The following GPN1 variants were observed in gnomAD, a reference collection of about 807,000 sequenced individuals.
GPN1 encodes ATP(GTP)-binding protein.
Under a neutral mutation model 55.9 loss-of-function variants are expected in GPN1, and 44 were observed. That is an observed-to-expected ratio of 0.79 (90% CI 0.62 to 1.01). The LOEUF (loss-of-function observed/expected upper bound fraction) is 1.01, where lower values mean the gene tolerates loss of function less well. Ranked by LOEUF, GPN1 falls within the 50% of genes least tolerant of loss-of-function variation. The pLI is 0.00. For missense variants in GPN1, 466 were observed against 462.8 expected (o/e 1.01, Z -0.06); for synonymous variants, 179 against 162.5 (o/e 1.10, Z -0.77).
At chr2:27,628,979 C>T (rs760200294), upstream of GPN1, 6 of 1,585,846 alleles carry the variant, frequency 3.8e-6, no homozygotes, top group South Asian at 4.6e-5. Flanking sequence ...TGGTGGTTTT[C>T]GTTCGCAGCC....
At chr2:27,632,693 A>G (rs997990198) in intron 5 of GPN1, 23 bp downstream of exon 5, 1 of 1,475,122 alleles carries the variant, frequency 6.8e-7, no homozygotes, top group South Asian at 1.1e-5. Context: ...AGTAACACCC[A>G]TTTATTACTC....
rs1419636770 is a variant in GPN1 at position 27,642,952 on chromosome 2, T to TACACACACACACACACAC, written c.931+434_931+435insCACACACACACACACACA. On this transcript the variant is annotated intron_variant, in intron 12 of 13. Coordinates refer to ENST00000610189, the MANE Select transcript of GPN1 (RefSeq NM_007266.4). ...TAAAGGAAATGTGGTTTTATATATA[T>TACACACACACACACACAC]ATATATACACACACACACACACACA... Among the ~76,000 whole-genome samples the TACACACACACACACACAC allele has an allele frequency of 4.5e-4, 17 of 38,056 alleles. No homozygotes were observed. In the Admixed American group the frequency reaches 4.9e-3, roughly 11 times the overall value. 25.0% of individuals were successfully genotyped at this position (38,056 alleles called of 152,430 possible).
intron 7 of GPN1, among the ~76,000 whole-genome samples, chr2:27,637,047 C>A (rs1301728919): frequency 6.6e-6 from 1 of 151,842 alleles, no homozygotes; most frequent in African/African-American, 2.4e-5. Flanking sequence ...AGGCGCCAAC[C>A]CCTGCAGAGA....
intron 12 of GPN1, among the ~76,000 whole-genome samples, chr2:27,642,954 TATATAC>T (rs1158661018): frequency 1.7e-4 from 8 of 46,848 alleles, no homozygotes; most frequent in African/African-American, 3.3e-4. Context: ...TATATATATA[TATATAC>T]ACACACACAC....
upstream of GPN1, chr2:27,628,352 A>T: frequency 6.6e-7 from 1 of 1,505,260 alleles, no homozygotes; most frequent in Non-Finnish European, 8.9e-7. Context: ...AGGGACCTTC[A>T]GTGACTGGAG....
At chr2:27,639,129 C>T (rs1673847672) in intron 9 of GPN1, 98 bp downstream of exon 9, 2 of 969,024 alleles carry the variant, frequency 2.1e-6, no homozygotes, top group Non-Finnish European at 3.1e-6. Flanking sequence ...AGCTTATTAC[C>T]TACTGAAAAG....
Position 27,629,353 on chromosome 2 carries a change from G to T in GPN1, c.111+184G>T, listed in dbSNP as rs545041359. On this transcript the variant is annotated intron_variant, in intron 1 of 13. Coordinates refer to ENST00000610189, the MANE Select transcript of GPN1 (RefSeq NM_007266.4). ...TCGGGCCCTAGCCAGGTTAATTAAG[G>T]CTCTCTTCTGCGCACCTTCAGGGCA... 1.4e-5 allele frequency: 21 copies of T among 1,543,004 alleles called. No homozygotes were observed. The East Asian group carries it at 4.6e-4, about 34-fold the overall frequency.
At chr2:27,634,188 A>T (rs1302596183) in intron 5 of GPN1, among the ~76,000 whole-genome samples, 1 of 152,142 alleles carries the variant, frequency 6.6e-6, no homozygotes, top group Non-Finnish European at 1.5e-5. Flanking sequence ...CTTATTGGCC[A>T]TTGGTATGTA....
upstream of GPN1, chr2:27,628,949 C>CAG (rs1371769027): frequency 6.4e-7 from 1 of 1,552,600 alleles, no homozygotes; most frequent in African/African-American, 1.4e-5. Flanking sequence ...GCGCCCCTCA[C>CAG]CCGCTCCTTT....
chr2:27,634,833 T>A lies in GPN1; in HGVS notation c.351-13T>A. ...CAAATGTAACACTTCTTTAATGATCTTTCTTGACATAGATATGTGTTGATT... is the reference window on the plus strand; with the variant it reads ...CAAATGTAACACTTCTTTAATGATCATTCTTGACATAGATATGTGTTGATT... On this transcript the variant is annotated splice_polypyrimidine_tract_variant and intron_variant, in intron 5 of 13. Transcript: ENST00000610189. 1 of 1,435,770 alleles carries A rather than the reference T, an allele frequency of 7.0e-7. No individual in the cohort carries two copies. The highest frequency in any genetic ancestry group is 9.8e-7 in the Non-Finnish European group (1 of 1,017,140). 88.9% of individuals were successfully genotyped at this position (1,435,770 alleles called of 1,614,324 possible).
upstream of GPN1, chr2:27,629,009 C>T (rs764870962): frequency 6.2e-7 from 1 of 1,611,372 alleles, no homozygotes; most frequent in Admixed American, 1.7e-5. Context: ...GCGGAAGTTT[C>T]TCTACCCATG....
At chr2:27,628,945 CT>C, upstream of GPN1, 1 of 1,542,580 alleles carries the variant, frequency 6.5e-7, no homozygotes, top group Non-Finnish European at 8.7e-7. Flanking sequence ...CGCCGCGCCC[CT>C]CACCCGCTCC....
intron 12 of GPN1, among the ~76,000 whole-genome samples, chr2:27,646,070 C>G (rs1247376748): frequency 6.6e-6 from 1 of 152,070 alleles, no homozygotes; most frequent in East Asian, 1.9e-4. Context: ...GAGGCAGAGT[C>G]TTGCTCTGTC....
chr2:27,628,987 G>A, upstream of GPN1: 2 of 1,604,372 alleles, frequency 1.2e-6, no homozygotes, highest in South Asian at 1.1e-5. Context: ...TTCGTTCGCA[G>A]CCCAGAACAT....
rs770231722 is a variant in GPN1, at chr2:27,629,895, C to A, written c.148C>A (p.Pro50Thr). The stretch of plus-strand genomic sequence containing the variant: ...ACACCTGCATGCCCAAGGCACTCCA[C>A]CGTATGTGATCAACCTGGATCCAGC... ...TGHLHAQGTP[P>T]YVINLDPAVH... Residue 50 changes from proline to threonine, a missense_variant, in exon 2 of 14, where the codon CCG (proline) becomes ACG (threonine). Coordinates refer to ENST00000610189, the MANE Select transcript of GPN1 (RefSeq NM_007266.4). The A allele has an allele frequency of 6.2e-7, 1 of 1,610,594 alleles. No individual in the cohort carries two copies. Among genetic ancestry groups the A allele is most frequent in the South Asian group, 1.1e-5 (1 of 91,022 alleles).
intron 5 of GPN1, among the ~76,000 whole-genome samples, chr2:27,633,028 G>A (rs1673608198): frequency 6.6e-6 from 1 of 152,164 alleles, no homozygotes; most frequent in East Asian, 1.9e-4. Flanking sequence ...ACATGGTTCA[G>A]AGAAAATTTT....
At chr2:27,642,952 T>TACACACACACACACACACAC (rs1419636770) in intron 12 of GPN1, among the ~76,000 whole-genome samples, 1 of 38,056 alleles carries the variant, frequency 2.6e-5, no homozygotes, top group Non-Finnish European at 7.9e-5. Flanking sequence ...TTTATATATA[T>TACACACACACACACACACAC]ATATATACAC....
In GPN1 at chr2:27,640,063, T is replaced by C; in HGVS notation, c.738T>C (p.Val246=). The change falls in exon 10 of 14, where the codon GTT becomes GTC. Residue 246 remains valine (V), a synonymous_variant. Transcript: ENST00000610189. ...SSLRVVGVSA[V]LGTGLDELFV... ...GGCAGGTGGTGGGTGTCTCTGCTGT[T>C]CTGGGTACTGGATTAGATGAACTCT... The C allele has an allele frequency of 6.2e-7, 1 of 1,612,604 alleles. No homozygotes were observed. The highest frequency in any genetic ancestry group is 8.5e-7 in the Non-Finnish European group (1 of 1,178,578).
rs988190788 is a variant in GPN1, at chr2:27,638,945, G to A, written c.631G>A (p.Asp211Asn). Residue 211 changes from aspartate to asparagine, a missense_variant, in exon 9 of 14, where the codon GAT becomes AAT. Transcript: ENST00000610189. The stretch of plus-strand genomic sequence containing the variant: ...GATGCAGGATTTTGAGGCTTTCCAA[G>A]ATGCCTTGAATCAAGAGACTACATA... ...EWMQDFEAFQ[D>N]ALNQETTYVS... The A allele has an allele frequency of 1.9e-6, 3 of 1,613,632 alleles. No individual in the cohort carries two copies. Among genetic ancestry groups the A allele is most frequent in the Non-Finnish European group, 2.5e-6 (3 of 1,179,550 alleles).
Sources: gnomAD v4.1 joint callset for allele counts (sites outside exome capture counted in the v4.1 genomes callset) on GRCh38, gnomAD v4.1.1 for gene constraint, MANE v1.5 for transcripts, NCBI Gene and HGNC (gene_info 2026-07-23, HGNC 2026-07-21) for gene names.